The following KLF12 variants were observed in gnomAD, a reference collection of about 807,000 sequenced individuals.
KLF12 encodes the protein KLF transcription factor 12, also known as Krueppel-like factor 12.
Under a neutral mutation model 37.8 loss-of-function variants are expected in KLF12, and 9 were observed. The ratio of observed to expected loss-of-function variants is 0.24; its 90% CI spans 0.14 to 0.42. The LOEUF is 0.42. KLF12 is among the 10% of genes least tolerant of loss of function. The probability of loss-of-function intolerance (pLI) is 1.00; values close to 1 mark genes in which losing one functional copy is unlikely to be tolerated. For synonymous variants in KLF12, 208 were observed against 202.1 expected (o/e 1.03, Z -0.25); for missense variants, 411 against 516.0 (o/e 0.80, Z 1.97).
chr13:74,077,100 T>G (rs1421483577), intron 1 of KLF12, among the ~76,000 whole-genome samples: 1 of 152,244 alleles, frequency 6.6e-6, no homozygotes, highest in Non-Finnish European at 1.5e-5. Context: ...AGTGCTGCAA[T>G]GAACCTAAGT....
intron 2 of KLF12, among the ~76,000 whole-genome samples, chr13:73,961,648 A>G (rs1198194495): frequency 6.6e-6 from 1 of 152,166 alleles, no homozygotes; most frequent in African/African-American, 2.4e-5. Flanking sequence ...AATCTTACCT[A>G]AATTTAATAA....
chr13:73,989,506 C>T (rs143579983), intron 2 of KLF12, among the ~76,000 whole-genome samples: 23 of 152,264 alleles, frequency 1.5e-4, no homozygotes, highest in Admixed American at 5.9e-4. Flanking sequence ...GGGGTTCATG[C>T]GCTCCCTCAT....
chr13:73,786,784 G>T (rs1881380595), intron 5 of KLF12, among the ~76,000 whole-genome samples: 1 of 149,984 alleles, frequency 6.7e-6, no homozygotes, highest in Non-Finnish European at 1.5e-5. Flanking sequence ...AATTAGCTGG[G>T]CATGGTGGCG....
Position 74,052,293 on chromosome 13 carries a change from C to T in KLF12, c.-31-57240G>A, listed in dbSNP as rs1424990215. 2.7e-5 allele frequency among the ~76,000 whole-genome samples: 4 copies of T among 147,874 alleles called. No homozygotes were observed. In the East Asian group the frequency reaches 8.1e-4, roughly 30 times the overall value. On this transcript the variant is annotated intron_variant, in intron 1 of 7. Coordinates refer to ENST00000377669, the MANE Select transcript of KLF12 (RefSeq NM_007249.5). ...ATTGTGCACATTGTGTAGGTCTCTCCAAAAAAACTGGGCCACAGACAGGAA... is the reference window on the plus strand; with the variant it reads ...ATTGTGCACATTGTGTAGGTCTCTCTAAAAAAACTGGGCCACAGACAGGAA...
the KLF12 span, among the ~76,000 whole-genome samples, chr13:74,208,787 AG>A: frequency 6.6e-6 from 1 of 152,132 alleles, no homozygotes; most frequent in African/African-American, 2.4e-5. Context: ...CAGCTTGGGC[AG>A]CACAGTGAGA....
At chr13:73,956,065 C>T (rs765049508) in intron 2 of KLF12, among the ~76,000 whole-genome samples, 4 of 152,108 alleles carry the variant, frequency 2.6e-5, no homozygotes, top group Non-Finnish European at 5.9e-5. Flanking sequence ...AATTCTAAAA[C>T]GTACCACAAT....
At chr13:73,966,162 C>T (rs922028381) in intron 2 of KLF12, among the ~76,000 whole-genome samples, 4 of 152,138 alleles carry the variant, frequency 2.6e-5, no homozygotes, top group Non-Finnish European at 2.9e-5. Context: ...ATAAAAATCA[C>T]AAATGATAAT....
At chr13:74,028,347 A>G (rs1176674218) in intron 1 of KLF12, among the ~76,000 whole-genome samples, 1 of 152,216 alleles carries the variant, frequency 6.6e-6, no homozygotes, top group East Asian at 1.9e-4. Context: ...TATAAACTAC[A>G]TTTAAGAAAA....
At chr13:74,097,433 C>T (rs1473772188) in intron 1 of KLF12, among the ~76,000 whole-genome samples, 6 of 152,098 alleles carry the variant, frequency 3.9e-5, no homozygotes. Context: ...AACTGATGCA[C>T]AAATCACAAC....
At position 73,846,101 on chromosome 13, in the gene KLF12, T is replaced by C; in HGVS notation, c.396A>G (p.Ser132=). ...TTGACGAAGATGACGCTGAAGATACTGATGTGATAACAGTTGGGGATGAGG... is the reference window on the plus strand; with the variant it reads ...TTGACGAAGATGACGCTGAAGATACCGATGTGATAACAGTTGGGGATGAGG... The change falls in exon 4 of 8, where the codon TCA becomes TCG. Residue 132 remains serine, a synonymous_variant. Transcript: ENST00000377669. 5 of 1,614,106 alleles carry C rather than the reference T, an allele frequency of 3.1e-6. No homozygotes were observed. Among genetic ancestry groups the C allele is most frequent in the South Asian group, 1.1e-5 (1 of 91,084 alleles).
chr13:73,859,827 G>A (rs547570877), intron 3 of KLF12, among the ~76,000 whole-genome samples: 17 of 151,482 alleles, frequency 1.1e-4, no homozygotes, highest in African/African-American at 2.2e-4. Flanking sequence ...AAAAAAATCC[G>A]AAACCAAAAA....
chr13:73,994,709 A>G (rs1212743143), intron 2 of KLF12, among the ~76,000 whole-genome samples: 1 of 152,206 alleles, frequency 6.6e-6, no homozygotes, highest in Non-Finnish European at 1.5e-5. Flanking sequence ...GCAGTTTTCC[A>G]TTTTTTAATA....
chr13:74,052,487 T>C (rs960378322), intron 1 of KLF12, among the ~76,000 whole-genome samples: 1 of 152,080 alleles, frequency 6.6e-6, no homozygotes, highest in Non-Finnish European at 1.5e-5. Flanking sequence ...AGAAAGGAAA[T>C]AACAATGAGC....
chr13:74,031,859 T>C (rs1001856979), intron 1 of KLF12, among the ~76,000 whole-genome samples: 3 of 152,146 alleles, frequency 2.0e-5, no homozygotes, highest in South Asian at 2.1e-4. Context: ...AAAGATGCAA[T>C]AGGCTACTCT....
chr13:73,725,335 C>A (rs200227768), intron 6 of KLF12, among the ~76,000 whole-genome samples: 7 of 152,122 alleles, frequency 4.6e-5, no homozygotes, highest in Non-Finnish European at 7.4e-5. Context: ...CTCTTGACCT[C>A]GTGATCTGCC....
At chr13:73,782,440 T>A (rs1011059) in intron 5 of KLF12, among the ~76,000 whole-genome samples, 17,641 of 152,262 alleles carry the variant, frequency 0.12, 1,373 homozygotes, top group East Asian at 0.28. Flanking sequence ...GCTAAGTGAC[T>A]ACGATGAAGA....
At chr13:73,867,698 T>G (rs1594190409) in intron 3 of KLF12, among the ~76,000 whole-genome samples, 1 of 152,118 alleles carries the variant, frequency 6.6e-6, no homozygotes, top group Non-Finnish European at 1.5e-5. Context: ...ACTTATGAAC[T>G]ATTTACCACA....
intron 3 of KLF12, among the ~76,000 whole-genome samples, chr13:73,848,958 T>C (rs576561122): frequency 6.6e-6 from 1 of 152,236 alleles, no homozygotes; most frequent in African/African-American, 2.4e-5. Flanking sequence ...GTACCATTCA[T>C]CTGTTTACAG....
At chr13:74,104,452 A>T (rs888369816) in intron 1 of KLF12, among the ~76,000 whole-genome samples, 2 of 152,180 alleles carry the variant, frequency 1.3e-5, no homozygotes, top group Non-Finnish European at 2.9e-5. Context: ...TCAGTCAAAA[A>T]CCAAAGTTTT....
Sources: gnomAD v4.1 joint callset for allele counts (sites outside exome capture counted in the v4.1 genomes callset) on GRCh38, gnomAD v4.1.1 for gene constraint, MANE v1.5 for transcripts, NCBI Gene and HGNC (gene_info 2026-07-23, HGNC 2026-07-21) for gene names.